RPSA2: variants seen among roughly 807,000 people sequenced by gnomAD.
RPSA2 encodes the protein small ribosomal subunit protein uS2B.
At chr19:23,822,847 T>A in the RPSA2 span, among the ~76,000 whole-genome samples, 1 of 152,172 alleles carries the variant, frequency 6.6e-6, no homozygotes, top group Non-Finnish European at 1.5e-5. Flanking sequence ...CCTCCAAAAC[T>A]GGTTTCTCCT....
chr19:23,843,499 C>G, the RPSA2 span, among the ~76,000 whole-genome samples: 1 of 152,138 alleles, frequency 6.6e-6, no homozygotes, highest in Admixed American at 6.5e-5. Context: ...TTTGAGGGTA[C>G]CATGAGAGCT....
the RPSA2 span, among the ~76,000 whole-genome samples, chr19:23,842,984 G>A: frequency 6.6e-6 from 1 of 152,060 alleles, no homozygotes; most frequent in Non-Finnish European, 1.5e-5. Flanking sequence ...AAATTCAATA[G>A]TATTGGATAG....
the RPSA2 span, among the ~76,000 whole-genome samples, chr19:23,765,350 C>T: frequency 0.98 from 148,978 of 152,292 alleles, 72,961 homozygotes; most frequent in Middle Eastern, 1. Flanking sequence ...GTATGTGCAC[C>T]GCAGCACACT....
At chr19:23,799,987 A>G in the RPSA2 span, among the ~76,000 whole-genome samples, 1 of 150,658 alleles carries the variant, frequency 6.6e-6, no homozygotes, top group African/African-American at 2.4e-5. Flanking sequence ...AATACATTTG[A>G]CATTCAGATT....
chr19:23,865,839 G>A, the RPSA2 span, among the ~76,000 whole-genome samples: 560 of 152,260 alleles, frequency 3.7e-3, 4 homozygotes, highest in African/African-American at 0.013. Flanking sequence ...ATTACTAAAA[G>A]AATTAAAAAC....
At chr19:23,804,517 G>A in the RPSA2 span, among the ~76,000 whole-genome samples, 2 of 151,866 alleles carry the variant, frequency 1.3e-5, no homozygotes, top group African/African-American at 4.8e-5. Flanking sequence ...GGATGGTCTC[G>A]ATCTCCTGAC....
the RPSA2 span, among the ~76,000 whole-genome samples, chr19:23,867,950 C>A: frequency 1.2e-4 from 18 of 152,080 alleles, no homozygotes; most frequent in Non-Finnish European, 2.4e-4. Flanking sequence ...GTGGGTGGAT[C>A]AATGGCCCCT....
chr19:23,808,613 T>A, the RPSA2 span: 3 of 313,012 alleles, frequency 9.6e-6, no homozygotes, highest in Non-Finnish European at 1.9e-5. Flanking sequence ...TATATTGGGA[T>A]AAATTTATTA....
the RPSA2 span, among the ~76,000 whole-genome samples, chr19:23,789,164 C>T: frequency 8.4e-4 from 128 of 151,952 alleles, no homozygotes; most frequent in African/African-American, 3.1e-3. Flanking sequence ...CCACACTGGG[C>T]TTATTTTTGT....
the RPSA2 span, among the ~76,000 whole-genome samples, chr19:23,774,102 A>G: frequency 6.6e-6 from 1 of 152,196 alleles, no homozygotes. Flanking sequence ...CACAGGGGAC[A>G]TTGTGACATA....
the RPSA2 span, among the ~76,000 whole-genome samples, chr19:23,851,215 G>A: frequency 4.8e-4 from 3 of 6,254 alleles, no homozygotes; most frequent in Non-Finnish European, 0.013. Context: ...ATCTTTAGGA[G>A]TTAGGCCCTC....
the RPSA2 span, among the ~76,000 whole-genome samples, chr19:23,759,522 G>GTTT: frequency 2.8e-4 from 25 of 89,040 alleles, 2 homozygotes; most frequent in East Asian, 1.9e-3. Context: ...TATATATCAG[G>GTTT]TTTTTTTTTT....
At chr19:23,816,282 A>AGC in the RPSA2 span, among the ~76,000 whole-genome samples, 3 of 152,078 alleles carry the variant, frequency 2.0e-5, no homozygotes, top group Admixed American at 2.0e-4. Flanking sequence ...ACAAGTGTGT[A>AGC]GCATCACGCC....
chr19:23,817,326 G>A, the RPSA2 span, among the ~76,000 whole-genome samples: 16 of 152,286 alleles, frequency 1.1e-4, no homozygotes, highest in African/African-American at 2.6e-4. Context: ...AGGTTGCAGT[G>A]AGCCAAGATT....
chr19:23,794,948 T>C, the RPSA2 span, among the ~76,000 whole-genome samples: 1 of 152,228 alleles, frequency 6.6e-6, no homozygotes, highest in African/African-American at 2.4e-5. Context: ...TCTTTCCACA[T>C]TTCTATTGTC....
At chr19:23,852,544 T>A in the RPSA2 span, among the ~76,000 whole-genome samples, 1 of 152,232 alleles carries the variant, frequency 6.6e-6, no homozygotes, top group African/African-American at 2.4e-5. Context: ...CCAAATTAAT[T>A]GCAGCAGGAA....
At chr19:23,858,991 T>C in the RPSA2 span, among the ~76,000 whole-genome samples, 2 of 152,154 alleles carry the variant, frequency 1.3e-5, no homozygotes, top group Non-Finnish European at 2.9e-5. Context: ...TTTCAGGAGA[T>C]TCAGGAGAGA....
the RPSA2 span, among the ~76,000 whole-genome samples, chr19:23,822,902 G>A: frequency 2.0e-5 from 3 of 152,128 alleles, no homozygotes; most frequent in Non-Finnish European, 4.4e-5. Context: ...TTCCAGCAAA[G>A]CTGATTTTTT....
chr19:23,830,181 C>G, the RPSA2 span, among the ~76,000 whole-genome samples: 2 of 152,136 alleles, frequency 1.3e-5, no homozygotes, highest in East Asian at 3.9e-4. Flanking sequence ...CTCTCTATCC[C>G]CCAGCCAGGC....
Sources: allele counts gnomAD v4.1 joint callset (sites outside exome capture counted in the v4.1 genomes callset), GRCh38; gene constraint gnomAD v4.1.1; transcripts MANE v1.5; gene names NCBI Gene and HGNC (gene_info 2026-07-23, HGNC 2026-07-21).